AP3B1: variants seen among roughly 807,000 people sequenced by gnomAD.
AP3B1 encodes AP-3 complex subunit beta-1.
Under a neutral mutation model 132.5 loss-of-function variants are expected in AP3B1, and 61 were observed. The ratio of observed to expected loss-of-function variants is 0.46; its 90% CI spans 0.37 to 0.57. AP3B1 has a LOEUF of 0.57. Ranked by LOEUF, AP3B1 falls within the 20% of genes least tolerant of loss-of-function variation. AP3B1 has a pLI of 0.00. For synonymous variants in AP3B1, 388 were observed against 438.3 expected (o/e 0.89, Z 1.43); for missense variants, 1,120 against 1,289.4 (o/e 0.87, Z 2.01).
At chr5:78,133,892 A>G (rs1051599724) in intron 15 of AP3B1, among the ~76,000 whole-genome samples, 1 of 152,036 alleles carries the variant, frequency 6.6e-6, no homozygotes, top group East Asian at 1.9e-4. Context: ...CTTCAGATTG[A>G]CTCTAAGTCA....
At chr5:78,158,618 A>G (rs964836631) in intron 13 of AP3B1, among the ~76,000 whole-genome samples, 6 of 152,176 alleles carry the variant, frequency 3.9e-5, no homozygotes, top group Admixed American at 3.9e-4. Context: ...CTGGAATTGT[A>G]TAACTTTACC....
In AP3B1 at chr5:78,034,970, G is replaced by T. The variant is rs376681107; in HGVS notation, c.2810-525C>A. Among the ~76,000 whole-genome samples, 70 of 151,906 alleles carry T rather than the reference G, an allele frequency of 4.6e-4. 2 individuals are homozygous for T. The South Asian group carries it at 0.014, about 31-fold the overall frequency. ...AGATGCACTCAGAAATTAATTAAGA[G>T]ATCTCACATTGAAACCAAAATGTTA... On this transcript the variant is annotated intron_variant, in intron 23 of 26. Transcript: ENST00000255194.
intron 14 of AP3B1, among the ~76,000 whole-genome samples, chr5:78,153,370 C>T (rs1329744901): frequency 1.3e-5 from 2 of 152,018 alleles, no homozygotes; most frequent in Admixed American, 1.3e-4. Flanking sequence ...TATAGCAACA[C>T]CTGCTCTTTT....
chr5:78,179,253 T>G (rs1292874084), intron 8 of AP3B1, among the ~76,000 whole-genome samples: 1 of 152,228 alleles, frequency 6.6e-6, no homozygotes, highest in Non-Finnish European at 1.5e-5. Context: ...ATCTTACAGA[T>G]AGTAAATCCT....
chr5:78,147,678 A>C (rs1753465117), intron 14 of AP3B1, among the ~76,000 whole-genome samples: 1 of 152,220 alleles, frequency 6.6e-6, no homozygotes, highest in South Asian at 2.1e-4. Context: ...TGAAAAAAAT[A>C]AGCTTTGCTA....
chr5:78,096,135 C>T lies in AP3B1; in HGVS notation c.2470+4818G>A, dbSNP rs532239246. Among the ~76,000 whole-genome samples the T allele has an allele frequency of 5.3e-5, 8 of 152,282 alleles. No individual in the cohort carries two copies. The South Asian group carries it at 1.0e-3, about 20-fold the overall frequency. ...GCCTGATTCTCCTGCCTCAGCCTGC[C>T]GAGTGCCTGCGATGGCAGGCGCGCG... On this transcript the variant is annotated intron_variant, in intron 21 of 26. Transcript: ENST00000255194.
At chr5:78,047,763 T>C (rs1748404952) in intron 22 of AP3B1, among the ~76,000 whole-genome samples, 1 of 152,240 alleles carries the variant, frequency 6.6e-6, no homozygotes, top group South Asian at 2.1e-4. Flanking sequence ...ATGATGCTAC[T>C]CTGGCTACTT....
At chr5:78,249,579 CTTTTTTTTTTT>C (rs71301504) in intron 2 of AP3B1, among the ~76,000 whole-genome samples, 2 of 105,074 alleles carry the variant, frequency 1.9e-5, no homozygotes, top group Non-Finnish European at 3.8e-5. Context: ...TTTTCTTTTT[CTTTTTTTTTTT>C]TTTTTTTTTT....
At position 78,002,795 on chromosome 5, in the gene AP3B1, A is replaced by T. The variant is rs11552314; in HGVS notation, c.*107T>A. The T allele has an allele frequency of 0.24, 304,391 of 1,242,656 alleles. 41,333 individuals are homozygous for T. Among genetic ancestry groups the T allele is most frequent in the Admixed American group, 0.45 (26,523 of 59,410 alleles). The allele number at this position is 1,242,656 out of a possible 1,614,324, so 77.0% of individuals were successfully genotyped here. ...GACAAGAATGTCAAGAGTGTATTCTACCCCCACTGCCAGATGGAAGGGCTA... is the reference window on the plus strand; with the variant it reads ...GACAAGAATGTCAAGAGTGTATTCTTCCCCCACTGCCAGATGGAAGGGCTA... On this transcript the variant is annotated 3_prime_UTR_variant, in exon 27 of 27. Transcript: ENST00000255194.
At chr5:78,228,377 T>A (rs1341363162) in intron 3 of AP3B1, 138 bp from the exon 4 acceptor site, 1 of 630,274 alleles carries the variant, frequency 1.6e-6, no homozygotes, top group Admixed American at 2.9e-5. Context: ...ATAAAAATAA[T>A]ATTTTGTGGG....
At chr5:78,230,884 G>A (rs1746618962) in intron 3 of AP3B1, among the ~76,000 whole-genome samples, 1 of 152,128 alleles carries the variant, frequency 6.6e-6, no homozygotes, top group African/African-American at 2.4e-5. Flanking sequence ...TTGGGAGGCT[G>A]AGACGAGCGG....
chr5:78,263,425 A>G (rs1030298094), intron 2 of AP3B1, among the ~76,000 whole-genome samples: 10 of 152,208 alleles, frequency 6.6e-5, no homozygotes. Flanking sequence ...GGTTTTCTAC[A>G]TATAAGATGA....
chr5:78,119,601 C>T (rs995080958), intron 17 of AP3B1, among the ~76,000 whole-genome samples: 27 of 151,726 alleles, frequency 1.8e-4, no homozygotes, highest in East Asian at 7.7e-4. Context: ...TGATGGAAGA[C>T]GAAATGAATG....
At chr5:78,047,723 C>T (rs1026132897) in intron 22 of AP3B1, among the ~76,000 whole-genome samples, 2 of 152,212 alleles carry the variant, frequency 1.3e-5, no homozygotes, top group Non-Finnish European at 2.9e-5. Context: ...ACCTAGCCTT[C>T]AGCATGTGGG....
chr5:78,245,322 A>G (rs1337286433), intron 2 of AP3B1, among the ~76,000 whole-genome samples: 1 of 152,236 alleles, frequency 6.6e-6, no homozygotes, highest in Non-Finnish European at 1.5e-5. Context: ...TCTTTAACTT[A>G]TCAGAGAGCA....
At chr5:78,014,079 C>T (rs951071938) in intron 26 of AP3B1, among the ~76,000 whole-genome samples, 1 of 152,138 alleles carries the variant, frequency 6.6e-6, no homozygotes, top group Non-Finnish European at 1.5e-5. Context: ...AGGAGAATGG[C>T]GTGAACCCGG....
At chr5:78,259,298 C>T (rs982047888) in intron 2 of AP3B1, among the ~76,000 whole-genome samples, 10 of 151,100 alleles carry the variant, frequency 6.6e-5, no homozygotes, top group African/African-American at 1.9e-4. Flanking sequence ...TTCTCACTTA[C>T]TTGTGGGGTC....
At chr5:78,211,028 T>A (rs1303647766) in intron 7 of AP3B1, among the ~76,000 whole-genome samples, 1 of 152,076 alleles carries the variant, frequency 6.6e-6, no homozygotes, top group African/African-American at 2.4e-5. Context: ...TAAGGTAAAT[T>A]TAAGAAAATA....
chr5:78,067,677 A>T (rs578090947), intron 22 of AP3B1, among the ~76,000 whole-genome samples: 3 of 152,206 alleles, frequency 2.0e-5, no homozygotes, highest in African/African-American at 7.2e-5. Flanking sequence ...CCTGGGTAAA[A>T]AATTAAGGCA....
Sources: gnomAD v4.1 joint callset for allele counts (sites outside exome capture counted in the v4.1 genomes callset) on GRCh38, gnomAD v4.1.1 for gene constraint, MANE v1.5 for transcripts, NCBI Gene and HGNC (gene_info 2026-07-23, HGNC 2026-07-21) for gene names.